NRP1: variants seen among roughly 807,000 people sequenced by gnomAD.
NRP1 encodes the protein neuropilin 1.
In NRP1, 35 loss-of-function variants were observed where a neutral mutation model predicts 106.7. That is an observed-to-expected ratio of 0.33 (90% CI 0.25 to 0.43). The LOEUF is 0.43. Ranked by LOEUF, NRP1 falls within the 20% of genes least tolerant of loss-of-function variation. NRP1 has a pLI of 1.00. For synonymous variants in NRP1, 437 were observed against 417.9 expected, an observed-to-expected ratio of 1.05 and a Z score of -0.56; for missense variants, 1,024 against 1,170.4, an observed-to-expected ratio of 0.87 and a Z score of 1.83.
chr10:33,289,802 A>G (rs1241556569), intron 2 of NRP1, among the ~76,000 whole-genome samples: 3 of 152,200 alleles, frequency 2.0e-5, no homozygotes, highest in Non-Finnish European at 2.9e-5. Flanking sequence ...CGTTATCACT[A>G]ATCTGAGTGC....
rs563806307 is a variant in NRP1 at position 33,286,639 on chromosome 10, C to G, written c.249-15783G>C. Among the ~76,000 whole-genome samples the G allele has an allele frequency of 1.3e-5, 2 of 152,302 alleles. 1 individual carries two copies. Among genetic ancestry groups the G allele is most frequent in the Admixed American group, 1.3e-4 (2 of 15,302 alleles). On this transcript the variant is annotated intron_variant, in intron 2 of 16. Coordinates refer to ENST00000374867, the MANE Select transcript of NRP1 (RefSeq NM_003873.7). ...CATTTAACACAAGCATTTTCCACAT[C>G]TATTTTGAGGGTTGGCTTTCTGATG...
chr10:33,265,852 A>G (rs1842881486), intron 3 of NRP1, among the ~76,000 whole-genome samples: 1 of 152,226 alleles, frequency 6.6e-6, no homozygotes, highest in South Asian at 2.1e-4. Flanking sequence ...TGTATGGTTT[A>G]TAATCTTAGT....
At chr10:33,258,773 A>G (rs1842374446) in intron 4 of NRP1, among the ~76,000 whole-genome samples, 1 of 151,630 alleles carries the variant, frequency 6.6e-6, no homozygotes. Context: ...TTATCTCTGG[A>G]GCACGAAGTT....
intron 7 of NRP1, among the ~76,000 whole-genome samples, chr10:33,225,810 C>G (rs1013685314): frequency 3.3e-5 from 5 of 152,196 alleles, no homozygotes; most frequent in African/African-American, 1.2e-4. Context: ...AACAACAAAA[C>G]CCCAAATTCC....
intron 2 of NRP1, among the ~76,000 whole-genome samples, chr10:33,297,061 A>G (rs975748836): frequency 2.6e-5 from 4 of 152,208 alleles, no homozygotes; most frequent in African/African-American, 7.2e-5. Flanking sequence ...TAAATATCCT[A>G]AGAATTGATT....
chr10:33,205,306 T>C (rs2284943), intron 10 of NRP1: 39,236 of 152,166 alleles, frequency 0.26, 5,678 homozygotes, highest in East Asian at 0.6. Flanking sequence ...TGTGAGTGCT[T>C]GGAAACATCT....
chr10:33,236,094 A>G (rs1340691055), intron 6 of NRP1, among the ~76,000 whole-genome samples: 1 of 152,238 alleles, frequency 6.6e-6, no homozygotes, highest in East Asian at 1.9e-4. Flanking sequence ...TTTGTAAGTT[A>G]CATTTAATTT....
chr10:33,301,376 AC>A (rs1389921058), intron 2 of NRP1, among the ~76,000 whole-genome samples: 15 of 152,076 alleles, frequency 9.9e-5, no homozygotes, highest in Non-Finnish European at 1.6e-4. Flanking sequence ...AAAGTTACAA[AC>A]CTCTTTAGAA....
chr10:33,267,303 A>ACAGGAGATGAG (rs1842988587), intron 3 of NRP1, among the ~76,000 whole-genome samples: 1 of 152,146 alleles, frequency 6.6e-6, no homozygotes, highest in Non-Finnish European at 1.5e-5. Flanking sequence ...AGAATACAAC[A>ACAGGAGATGAG]CAGGAGATGA....
chr10:33,257,606 C>T (rs1039163471), intron 4 of NRP1, among the ~76,000 whole-genome samples: 5 of 151,600 alleles, frequency 3.3e-5, no homozygotes, highest in Non-Finnish European at 7.4e-5. Flanking sequence ...GCCTGGATGA[C>T]GGAGCGAGAC....
intron 2 of NRP1, among the ~76,000 whole-genome samples, chr10:33,300,992 T>A (rs533602980): frequency 6.6e-6 from 1 of 152,300 alleles, no homozygotes; most frequent in African/African-American, 2.4e-5. Flanking sequence ...CTGAGACCTG[T>A]CTCAGATTTT....
intron 2 of NRP1, among the ~76,000 whole-genome samples, chr10:33,289,369 G>A (rs560087173): frequency 6.6e-6 from 1 of 152,268 alleles, no homozygotes; most frequent in Admixed American, 6.5e-5. Flanking sequence ...ACGCCTATTA[G>A]TGATAATAGG....
intron 3 of NRP1, among the ~76,000 whole-genome samples, chr10:33,269,864 C>A (rs1242686292): frequency 1.3e-5 from 2 of 152,198 alleles, no homozygotes; most frequent in Non-Finnish European, 2.9e-5. Flanking sequence ...TCTCCCATCA[C>A]CTGTATATGG....
At chr10:33,270,587 A>G in intron 3 of NRP1, 88 bp downstream of exon 3, 2 of 1,183,770 alleles carry the variant, frequency 1.7e-6, no homozygotes, top group Non-Finnish European at 2.3e-6. Context: ...TCGGCCTCCC[A>G]AAGTGCTGAG....
At chr10:33,207,214 G>A (rs928436751) in intron 10 of NRP1, among the ~76,000 whole-genome samples, 10 of 152,198 alleles carry the variant, frequency 6.6e-5, no homozygotes, top group African/African-American at 2.4e-4. Context: ...AAAGAGGGTA[G>A]TTGGTACAAC....
chr10:33,286,254 T>C (rs1183187203), intron 2 of NRP1, among the ~76,000 whole-genome samples: 1 of 152,224 alleles, frequency 6.6e-6, no homozygotes, highest in Non-Finnish European at 1.5e-5. Context: ...ATGTTATTAC[T>C]TTAGCAAGAC....
chr10:33,300,970 T>C (rs1026150615), intron 2 of NRP1, among the ~76,000 whole-genome samples: 23 of 152,198 alleles, frequency 1.5e-4, no homozygotes, highest in African/African-American at 5.5e-4. Context: ...CGAAATAAAC[T>C]TTCTAAATTA....
intron 9 of NRP1, among the ~76,000 whole-genome samples, chr10:33,208,549 G>A (rs900193310): frequency 6.6e-6 from 1 of 152,194 alleles, no homozygotes; most frequent in Non-Finnish European, 1.5e-5. Flanking sequence ...AAATGGATGA[G>A]CCTCCTTATA....
At chr10:33,182,174 C>T (rs1219615803) in intron 16 of NRP1, among the ~76,000 whole-genome samples, 2 of 152,116 alleles carry the variant, frequency 1.3e-5, no homozygotes, top group African/African-American at 4.8e-5. Flanking sequence ...TTCTTATCAT[C>T]ATCATCATCA....
Sources: gnomAD v4.1 joint callset for allele counts (sites outside exome capture counted in the v4.1 genomes callset) on GRCh38, gnomAD v4.1.1 for gene constraint, MANE v1.5 for transcripts, NCBI Gene and HGNC (gene_info 2026-07-23, HGNC 2026-07-21) for gene names.